PTPRT: variants seen among roughly 807,000 people sequenced by gnomAD.
PTPRT encodes the protein protein tyrosine phosphatase receptor type T, also known as receptor-type tyrosine-protein phosphatase T.
In PTPRT, 56 loss-of-function variants were observed where a neutral mutation model predicts 176.8. That is an observed-to-expected ratio of 0.32 (90% CI 0.26 to 0.40). The LOEUF is 0.40. Ranked by LOEUF, PTPRT falls within the 10% of genes least tolerant of loss-of-function variation. The pLI, the probability that PTPRT is intolerant of heterozygous loss-of-function variation, is 1.00. For synonymous variants in PTPRT, 783 were observed against 739.0 expected, an observed-to-expected ratio of 1.06 and a Z score of -0.96; for missense variants, 1,540 against 1,908.2, an observed-to-expected ratio of 0.81 and a Z score of 3.60.
chr20:42,049,254 C>T, the PTPRT span, among the ~76,000 whole-genome samples: 1 of 152,202 alleles, frequency 6.6e-6, no homozygotes, highest in African/African-American at 2.4e-5. Flanking sequence ...TGTGACAATG[C>T]ACATCGAAGC....
At chr20:42,664,492 G>C (rs2075279222) in intron 7 of PTPRT, among the ~76,000 whole-genome samples, 1 of 151,810 alleles carries the variant, frequency 6.6e-6, no homozygotes. Flanking sequence ...TTTTTTTCTA[G>C]TTTTGCCTTT....
At chr20:42,856,393 C>T (rs896960454) in intron 2 of PTPRT, among the ~76,000 whole-genome samples, 2 of 152,176 alleles carry the variant, frequency 1.3e-5, no homozygotes, top group South Asian at 2.1e-4. Flanking sequence ...TGTGTGTCCC[C>T]CACAGTAGGT....
At chr20:42,612,774 A>G (rs2073996734) in intron 7 of PTPRT, among the ~76,000 whole-genome samples, 1 of 151,998 alleles carries the variant, frequency 6.6e-6, no homozygotes, top group Non-Finnish European at 1.5e-5. Context: ...AAAAAAAAAA[A>G]CTAAAACCAA....
At chr20:43,143,456 GC>G (rs1455134048) in intron 1 of PTPRT, among the ~76,000 whole-genome samples, 13 of 152,164 alleles carry the variant, frequency 8.5e-5, no homozygotes, top group African/African-American at 3.1e-4. Context: ...CTTACCAAGT[GC>G]CCACCAAATG....
intron 1 of PTPRT, among the ~76,000 whole-genome samples, chr20:43,114,679 A>C (rs961523845): frequency 3.3e-5 from 5 of 151,980 alleles, no homozygotes; most frequent in Non-Finnish European, 7.4e-5. Context: ...TCTTATAGGC[A>C]TTTTTTTCTG....
rs78807442 is a variant in PTPRT at position 42,106,615 on chromosome 20, C to G, written c.3390+171G>C. On this transcript the variant is annotated intron_variant, in intron 24 of 30. Transcript: ENST00000373187. ...TCCAGGGTTGGCTGGGGCACCCTAG[C>G]TTCTACAGTAGTCTCACCATAGTAA... Among the ~76,000 whole-genome samples, 1,040 of 152,232 alleles carry G rather than the reference C, an allele frequency of 6.8e-3. 16 individuals carry two copies. Among genetic ancestry groups the G allele is most frequent in the African/African-American group, 0.024 (996 of 41,532 alleles).
chr20:42,942,781 CT>C (rs1980648046), intron 1 of PTPRT, among the ~76,000 whole-genome samples: 1 of 152,132 alleles, frequency 6.6e-6, no homozygotes, highest in Non-Finnish European at 1.5e-5. Context: ...ATTGATGGTA[CT>C]AACCATCAAG....
rs915511549 is a variant in PTPRT at position 42,526,956 on chromosome 20, C to CTTTTTT, written c.1154-54400_1154-54395dup. On this transcript the variant is annotated intron_variant, in intron 7 of 30. Coordinates refer to ENST00000373187, the MANE Select transcript of PTPRT (RefSeq NM_007050.6). ...GAGACTGACTTCTTGGTTCTTTTTT[C>CTTTTTT]TTTTTTTTTTTTTTTTTTTTTTTTT... Among the ~76,000 whole-genome samples the CTTTTTT allele has an allele frequency of 5.8e-3, 453 of 78,702 alleles. 1 individual carries two copies. Among genetic ancestry groups the CTTTTTT allele is most frequent in the African/African-American group, 6.3e-3 (129 of 20,508 alleles). The allele number at this position is 78,702 out of a possible 152,430, so 51.6% of individuals were successfully genotyped here. A position where few individuals can be genotyped will look rare whatever the true frequency, so the allele number is the denominator to read the frequency against.
chr20:42,569,153 T>G (rs1383005041), intron 7 of PTPRT, among the ~76,000 whole-genome samples: 2 of 137,624 alleles, frequency 1.5e-5, no homozygotes, highest in African/African-American at 5.4e-5. Flanking sequence ...TCTAAGTATT[T>G]TACACAGCAT....
intron 16 of PTPRT, among the ~76,000 whole-genome samples, chr20:42,168,567 T>C (rs2146532945): frequency 6.6e-6 from 1 of 152,352 alleles, no homozygotes; most frequent in African/African-American, 2.4e-5. Flanking sequence ...AACTTGTTTA[T>C]TATTGCAGCA....
At chr20:42,058,036 A>G in the PTPRT span, among the ~76,000 whole-genome samples, 1 of 152,200 alleles carries the variant, frequency 6.6e-6, no homozygotes. Context: ...ATAATGTTGG[A>G]AATGGAGTCA....
chr20:42,827,939 TATC>T (rs2145680970), intron 2 of PTPRT, among the ~76,000 whole-genome samples: 1 of 152,364 alleles, frequency 6.6e-6, no homozygotes, highest in South Asian at 2.1e-4. Flanking sequence ...TGTATGTCCT[TATC>T]AGCAGTGTGA....
chr20:42,090,717 T>C (rs948909091), intron 27 of PTPRT, among the ~76,000 whole-genome samples: 6 of 152,148 alleles, frequency 3.9e-5, no homozygotes, highest in African/African-American at 1.4e-4. Context: ...GAGGGAAAGC[T>C]TATGGTTTCT....
chr20:42,824,306 C>CTTTTG (rs202196498), intron 2 of PTPRT, among the ~76,000 whole-genome samples: 1 of 151,926 alleles, frequency 6.6e-6, no homozygotes, highest in Non-Finnish European at 1.5e-5. Flanking sequence ...GTCTCTCTCT[C>CTTTTG]TTTTGTTTTG....
chr20:42,443,085 T>C (rs1007342673), intron 9 of PTPRT, among the ~76,000 whole-genome samples: 2 of 152,208 alleles, frequency 1.3e-5, no homozygotes, highest in African/African-American at 4.8e-5. Context: ...GTAAATATTG[T>C]TTAGACGTCA....
chr20:42,463,410 A>T lies in PTPRT; in HGVS notation c.1450+8856T>A, dbSNP rs150489663. 1.8e-3 allele frequency among the ~76,000 whole-genome samples: 268 copies of T among 151,238 alleles called. 3 individuals are homozygous for T. Among genetic ancestry groups the T allele is most frequent in the South Asian group, 0.015 (70 of 4,772 alleles). On this transcript the variant is annotated intron_variant, in intron 8 of 30. Transcript: ENST00000373187. ...AATTACTTTATAATTTCATTCTCTT[A>T]AAAAAAAGCACACTAAAATTGCTAA...
chr20:42,167,213 G>A (rs1989867502), intron 16 of PTPRT, among the ~76,000 whole-genome samples: 1 of 152,132 alleles, frequency 6.6e-6, no homozygotes, highest in South Asian at 2.1e-4. Flanking sequence ...TGTCATATTG[G>A]ACATATGAGA....
At chr20:42,415,401 G>A (rs1016157068) in intron 9 of PTPRT, among the ~76,000 whole-genome samples, 13 of 151,702 alleles carry the variant, frequency 8.6e-5, no homozygotes, top group Admixed American at 5.9e-4. Context: ...TTGTAGATAC[G>A]GGGTTTCACT....
intron 13 of PTPRT, among the ~76,000 whole-genome samples, chr20:42,256,382 A>T (rs2056639532): frequency 6.6e-6 from 1 of 152,162 alleles, no homozygotes; most frequent in Non-Finnish European, 1.5e-5. Flanking sequence ...GGCATTGAGA[A>T]TATTTGTAAT....
Sources: gnomAD v4.1 joint callset for allele counts (sites outside exome capture counted in the v4.1 genomes callset) on GRCh38, gnomAD v4.1.1 for gene constraint, MANE v1.5 for transcripts, NCBI Gene and HGNC (gene_info 2026-07-23, HGNC 2026-07-21) for gene names.